The following DLG4 variants were observed in gnomAD, a reference collection of about 807,000 sequenced individuals.
DLG4 encodes disks large homolog 4.
Under a neutral mutation model 93.8 loss-of-function variants are expected in DLG4, and 7 were observed. The ratio of observed to expected loss-of-function variants is 0.07; its 90% CI spans 0.04 to 0.14. The LOEUF (loss-of-function observed/expected upper bound fraction) is 0.14, where lower values mean the gene tolerates loss of function less well. Among genes scored for constraint, DLG4 ranks in the 10% least tolerant of loss-of-function variants. DLG4 has a pLI of 1.00. For synonymous variants in DLG4, 341 were observed against 387.6 expected, an observed-to-expected ratio of 0.88 and a Z score of 1.41; for missense variants, 545 against 992.9, an observed-to-expected ratio of 0.55 and a Z score of 6.06.
At chr17:7,217,680 G>C (rs927321307), upstream of DLG4, 1 of 1,455,220 alleles carries the variant, frequency 6.9e-7, no homozygotes, top group South Asian at 1.2e-5. Context: ...AATGGGGGGG[G>C]TGCCTTGGCA....
chr17:7,193,776 C>T lies in DLG4; in HGVS notation c.1544-62G>A. Reference sequence around the variant, plus strand: ...ACAGGGGACCTGGAGCCCTGTCTCCCCCTTGAGGATATCAAAAGCAACTCA... The same window carrying T: ...ACAGGGGACCTGGAGCCCTGTCTCCTCCTTGAGGATATCAAAAGCAACTCA... On this transcript the variant is annotated intron_variant, in intron 14 of 19. Transcript: ENST00000399506. This position sits in a 1 kb window ranked among gnomAD's most constrained non-coding sequence, Gnocchi z 6.7. 1 of 1,611,194 alleles carries T rather than the reference C, an allele frequency of 6.2e-7. No individual in the cohort carries two copies. Among genetic ancestry groups the T allele is most frequent in the Non-Finnish European group, 8.5e-7 (1 of 1,178,658 alleles).
At position 7,191,933 on chromosome 17, in the gene DLG4, T is replaced by C; in HGVS notation, c.1936A>G (p.Ile646Val). The change falls in exon 18 of 20, where the codon ATC becomes GTC. Residue 646 changes from isoleucine to valine, a missense_variant. Physicochemically the swap from Ile to Val is conservative, Grantham distance 29 (BLOSUM62 3). Transcript: ENST00000399506. This position sits in a 1 kb window ranked among gnomAD's most constrained non-coding sequence, Gnocchi z 6.6. The stretch of plus-strand genomic sequence containing the variant: ...GAGCGGGGGCGGATGAAGATGGCGA[T>C]GGGGTGCAGGTGGGCCGCCTGCAGC... ...RRLQAAHLHP[I>V]AIFIRPRSLE... 6.7e-7 allele frequency: 1 copy of C among 1,485,408 alleles called. No homozygotes were observed. The highest frequency in any genetic ancestry group is 9.0e-7 in the Non-Finnish European group (1 of 1,113,990). The allele number at this position is 1,485,408 out of a possible 1,614,324, so 92.0% of individuals were successfully genotyped here.
chr17:7,190,739 T>C lies in DLG4; in HGVS notation c.2144A>G (p.Tyr715Cys). 1 of 1,613,696 alleles carries C rather than the reference T, an allele frequency of 6.2e-7. No individual in the cohort carries two copies. The highest frequency in any genetic ancestry group is 8.5e-7 in the Non-Finnish European group (1 of 1,179,732). Residue 715 changes from tyrosine (Y) to cysteine (C), a missense_variant, in exon 20 of 20, where the codon TAC becomes TGC. By Grantham distance (194) the Tyr-to-Cys change is radical. Coordinates refer to ENST00000399506, the MANE Select transcript of DLG4 (RefSeq NM_001321075.3). ...TCTCTCTCGGGCTGGAACCCAGATGTAGGGGCCTGAGAGGTCCTCGATGAC... is the reference window on the plus strand; with the variant it reads ...TCTCTCTCGGGCTGGAACCCAGATGCAGGGGCCTGAGAGGTCCTCGATGAC... ...KRVIEDLSGP[Y>C]IWVPARERL
chr17:7,187,685 G>T lies in DLG4; in HGVS notation c.*3023C>A, dbSNP rs1375352802. Among the ~76,000 whole-genome samples the T allele has an allele frequency of 6.6e-6, 1 of 152,052 alleles. No individual in the cohort carries two copies. The highest frequency in any genetic ancestry group is 2.4e-5 in the African/African-American group (1 of 41,372). ...CTGCACACACCTTCCTCAGCTCCTA[G>T]ATTTCTCCCTTCAGCTCACGATAGA... On this transcript the variant is annotated 3_prime_UTR_variant, in exon 20 of 20. Transcript: ENST00000399506.
chr17:7,219,014 A>T, upstream of DLG4: 1 of 719,544 alleles, frequency 1.4e-6, no homozygotes, highest in Non-Finnish European at 2.4e-6. Context: ...CTTGCTCCAC[A>T]CACCCTGGCC....
At chr17:7,219,585 T>C (rs557698043), upstream of DLG4, 121 of 1,132,882 alleles carry the variant, frequency 1.1e-4, no homozygotes, top group South Asian at 2.0e-3. Flanking sequence ...GCCTCTGCCA[T>C]CTACCTTACA....
intron 1 of DLG4, chr17:7,211,614 TCCG>T: frequency 1.2e-6 from 1 of 868,280 alleles, no homozygotes; most frequent in Non-Finnish European, 1.4e-6. Context: ...TTTGCGGGGG[TCCG>T]GGAAGGGGGA....
intron 8 of DLG4, among the ~76,000 whole-genome samples, chr17:7,199,412 G>A (rs2069993922): frequency 6.6e-6 from 1 of 151,924 alleles, no homozygotes; most frequent in Non-Finnish European, 1.5e-5. Context: ...TGTTGGGCGG[G>A]CTGGTCTCGA....
intron 8 of DLG4, 96 bp from the exon 9 acceptor site, chr17:7,197,148 G>A: frequency 1.6e-6 from 2 of 1,240,542 alleles, no homozygotes; most frequent in Non-Finnish European, 2.2e-6. Flanking sequence ...AAAGTTAGGT[G>A]GAAGGGAAGA....
chr17:7,194,202 CAGACAAACCCCTAGGAGTTCAGA>C lies in DLG4; in HGVS notation c.1478+94_1478+116del. 7.1e-7 allele frequency: 1 copy of C among 1,416,496 alleles called. No homozygotes were observed. The highest frequency in any genetic ancestry group is 9.5e-7 in the Non-Finnish European group (1 of 1,055,236). The allele number at this position is 1,416,496 out of a possible 1,614,324, so 87.7% of individuals were successfully genotyped here. ...AGCCACGGACCCCAGGAGGGCCCAA[CAGACAAACCCCTAGGAGTTCAGA>C]GGGCAAACCCATCCCCTGTTGGCTG... On this transcript the variant is annotated intron_variant, in intron 12 of 19. Coordinates refer to ENST00000399506, the MANE Select transcript of DLG4 (RefSeq NM_001321075.3). The surrounding 1 kb of genome is among the most constrained non-coding windows in gnomAD (Gnocchi z 4.4).
rs945139403 is a variant in DLG4, at chr17:7,196,022, G to A, written c.1301+198C>T. Among the ~76,000 whole-genome samples, 4 of 152,136 alleles carry A rather than the reference G, an allele frequency of 2.6e-5. No individual in the cohort carries two copies. The highest frequency in any genetic ancestry group is 9.6e-5 in the African/African-American group (4 of 41,452). On this transcript the variant is annotated intron_variant, in intron 11 of 19. Transcript: ENST00000399506. The surrounding 1 kb of genome is among the most constrained non-coding windows in gnomAD (Gnocchi z 8.3). ...AGGCAATTGGGATACTTGGGGCAGA[G>A]GCTATTTTCCCATCGACAGGGAGTA...
upstream of DLG4, chr17:7,218,143 G>A: frequency 8.7e-7 from 1 of 1,148,744 alleles, no homozygotes; most frequent in Non-Finnish European, 1.2e-6. Flanking sequence ...TTTGTCAGCA[G>A]GGCCCCCAAG....
intron 1 of DLG4, among the ~76,000 whole-genome samples, chr17:7,211,259 C>G (rs1250935147): frequency 6.6e-6 from 1 of 151,850 alleles, no homozygotes; most frequent in Non-Finnish European, 1.5e-5. Flanking sequence ...CCCCCCCATC[C>G]TTTATCCTAC....
At chr17:7,202,484 T>C (rs2070194720) in intron 8 of DLG4, among the ~76,000 whole-genome samples, 1 of 152,246 alleles carries the variant, frequency 6.6e-6, no homozygotes, top group South Asian at 2.1e-4. Context: ...GCTTTGCTAC[T>C]ATATTATTGT....
At chr17:7,218,145 G>T, upstream of DLG4, 1 of 1,160,824 alleles carries the variant, frequency 8.6e-7, no homozygotes, top group Non-Finnish European at 1.2e-6. Flanking sequence ...TGTCAGCAGG[G>T]CCCCCAAGAT....
At chr17:7,200,607 C>T (rs1178277823) in intron 8 of DLG4, among the ~76,000 whole-genome samples, 9 of 147,854 alleles carry the variant, frequency 6.1e-5, no homozygotes, top group Non-Finnish European at 1.2e-4. Context: ...AGTGCAATGG[C>T]GCGATCTCAG....
At position 7,190,430 on chromosome 17, in the gene DLG4, C is replaced by T; in HGVS notation, c.*278G>A. 2.3e-6 allele frequency: 1 copy of T among 443,636 alleles called. No individual in the cohort carries two copies. 27.5% of individuals were successfully genotyped at this position (443,636 alleles called of 1,614,324 possible). A position where few individuals can be genotyped will look rare whatever the true frequency, so the allele number is the denominator to read the frequency against. ...GGTGGGTCTGTGTGTGCATTGGGGG[C>T]AGGTGGGGGCGGGGATCCTAAGGAG... is the stretch of plus-strand genomic sequence containing the variant. On this transcript the variant is annotated 3_prime_UTR_variant, in exon 20 of 20. Coordinates refer to ENST00000399506, the MANE Select transcript of DLG4 (RefSeq NM_001321075.3).
At position 7,187,327 on chromosome 17, in the gene DLG4, C is replaced by A. The variant is rs1456269969; in HGVS notation, c.*3381G>T. 3.2e-4 allele frequency among the ~76,000 whole-genome samples: 30 copies of A among 93,162 alleles called. 1 individual carries two copies. Among genetic ancestry groups the A allele is most frequent in the Non-Finnish European group, 5.8e-4 (22 of 37,952 alleles). 61.1% of individuals were successfully genotyped at this position (93,162 alleles called of 152,430 possible). On this transcript the variant is annotated 3_prime_UTR_variant, in exon 20 of 20. Coordinates refer to ENST00000399506, the MANE Select transcript of DLG4 (RefSeq NM_001321075.3). ...GGCCGAGGGGGGGGGGGGTGGATCA[C>A]CCGAGGTCAGGAGTTCGAGACCAGC...
chr17:7,201,926 A>G (rs972390449), intron 8 of DLG4, among the ~76,000 whole-genome samples: 8 of 152,192 alleles, frequency 5.3e-5, no homozygotes, highest in Non-Finnish European at 1.2e-4. Context: ...TAATGGACAC[A>G]CTGCTAAAAT....
Sources: allele counts gnomAD v4.1 joint callset (sites outside exome capture counted in the v4.1 genomes callset), GRCh38; gene constraint gnomAD v4.1.1; non-coding constraint Gnocchi (gnomAD v3.1); transcripts MANE v1.5; gene names NCBI Gene and HGNC (gene_info 2026-07-23, HGNC 2026-07-21).